The following KCNK15 variants were observed in gnomAD, a reference collection of about 807,000 sequenced individuals.
The protein encoded by KCNK15 is potassium channel subfamily K member 15.
A neutral mutation model predicts 8.5 loss-of-function variants in KCNK15; 9 were observed. The ratio of observed to expected loss-of-function variants is 1.06; its 90% CI spans 0.64 to 1.85. The LOEUF is 1.85. KCNK15 is among the 40% of genes most tolerant of loss of function. KCNK15 has a pLI of 0.00. For missense variants in KCNK15, 467 were observed against 476.8 expected, an observed-to-expected ratio of 0.98 and a Z score of 0.19; for synonymous variants, 224 against 232.7, an observed-to-expected ratio of 0.96 and a Z score of 0.34.
In KCNK15 at chr20:44,750,233, G is replaced by A. The variant is rs550127808; in HGVS notation, c.388G>A (p.Glu130Lys). Residue 130 changes from glutamate to lysine, a missense_variant, in exon 2 of 2, where the codon GAA becomes AAA. Glu to Lys is a moderately conservative substitution (Grantham distance 56). This residue lies in a region of KCNK15 where 455 missense variants were observed against 441.2 expected (regional missense o/e 1.03). Transcript: ENST00000372861. ...LTLVTFQSLGERLNAVVRRLL... is the reference protein window; with the variant it reads ...LTLVTFQSLGKRLNAVVRRLL... ...GCTGGTCACTTTCCAGAGCCTGGGC[G>A]AACGGCTGAACGCGGTGGTGCGGCG... 3 of 1,610,356 alleles carry A rather than the reference G, an allele frequency of 1.9e-6. No individual in the cohort carries two copies. Among genetic ancestry groups the A allele is most frequent in the East Asian group, 2.2e-5 (1 of 44,702 alleles).
chr20:44,747,533 G>A (rs1318730736), intron 1 of KCNK15, among the ~76,000 whole-genome samples: 1 of 152,242 alleles, frequency 6.6e-6, no homozygotes, highest in Non-Finnish European at 1.5e-5. Context: ...GGTCTGGGAT[G>A]CCATCAACTT....
rs970297447 is a variant in KCNK15, at chr20:44,751,069, C to T, written c.*231C>T. On this transcript the variant is annotated 3_prime_UTR_variant, in exon 2 of 2. Transcript: ENST00000372861. ...AGGGTCACCCTGTAGGAGCAAATTC[C>T]TTGTAGTCCAAATTGTATGAGGGCG... 2.8e-6 allele frequency: 1 copy of T among 361,638 alleles called. No individual in the cohort carries two copies. The highest frequency in any genetic ancestry group is 2.1e-5 in the African/African-American group (1 of 46,770). The allele number at this position is 361,638 out of a possible 1,614,324, so 22.4% of individuals were successfully genotyped here. A position where few individuals can be genotyped will look rare whatever the true frequency, so the allele number is the denominator to read the frequency against.
rs779563776 is a variant in KCNK15, at chr20:44,750,227, C to T, written c.382C>T (p.Leu128=). ...IPLTLVTFQS[L]GERLNAVVRR... ...GCTGACGCTGGTCACTTTCCAGAGCCTGGGCGAACGGCTGAACGCGGTGGT... is the reference window on the plus strand; with the variant it reads ...GCTGACGCTGGTCACTTTCCAGAGCTTGGGCGAACGGCTGAACGCGGTGGT... The change falls in exon 2 of 2, where the codon CTG becomes TTG. Residue 128 remains leucine (L), a synonymous_variant. Transcript: ENST00000372861. The T allele has an allele frequency of 8.7e-6, 14 of 1,611,830 alleles. No homozygotes were observed. Among genetic ancestry groups the T allele is most frequent in the Non-Finnish European group, 1.1e-5 (13 of 1,179,348 alleles).
rs2145436993 is a variant in KCNK15, at chr20:44,750,775, G to A, written c.930G>A (p.Ser310=). 1.3e-6 allele frequency: 2 copies of A among 1,508,158 alleles called. No individual in the cohort carries two copies. The highest frequency in any genetic ancestry group is 1.2e-5 in the South Asian group (1 of 81,306). 93.4% of individuals were successfully genotyped at this position (1,508,158 alleles called of 1,614,324 possible). The change falls in exon 2 of 2, where the codon TCG becomes TCA. Residue 310 remains serine (S), a synonymous_variant. Transcript: ENST00000372861. Reference sequence around the variant, plus strand: ...ACAACCTGGGCTTTTCGCCCCCCTCGAGCCCGGGGGTCGTGCGTGGCGGGC... The same window carrying A: ...ACAACCTGGGCTTTTCGCCCCCCTCAAGCCCGGGGGTCGTGCGTGGCGGGC... The part of the protein sequence containing the change: ...ARDNLGFSPP[S]SPGVVRGGQA...
Position 44,750,765 on chromosome 20 carries a change from C to T in KCNK15, c.920C>T (p.Ser307Leu), listed in dbSNP as rs772480413. The change falls in exon 2 of 2, where the codon TCG becomes TTG. Residue 307 changes from serine to leucine, a missense_variant. Physicochemically the swap from Ser to Leu is moderately radical, Grantham distance 145 (BLOSUM62 -2). Coordinates refer to ENST00000372861, the MANE Select transcript of KCNK15 (RefSeq NM_022358.4). ...ERCARDNLGF[S>L]PPSSPGVVRG... ...TGCGCCCGCGACAACCTGGGCTTTT[C>T]GCCCCCCTCGAGCCCGGGGGTCGTG... is the stretch of plus-strand genomic sequence containing the variant. 2.0e-6 allele frequency: 3 copies of T among 1,512,864 alleles called. No homozygotes were observed. Among genetic ancestry groups the T allele is most frequent in the Non-Finnish European group, 1.8e-6 (2 of 1,135,800 alleles). 93.7% of individuals were successfully genotyped at this position (1,512,864 alleles called of 1,614,324 possible). A position where few individuals can be genotyped will look rare whatever the true frequency, so the allele number is the denominator to read the frequency against.
intron 1 of KCNK15, among the ~76,000 whole-genome samples, chr20:44,748,724 C>T (rs765977222): frequency 5.9e-5 from 9 of 152,164 alleles, no homozygotes; most frequent in African/African-American, 1.2e-4. Context: ...TAAAGAGCTG[C>T]GTCATCTTGT....
rs2066030103 is a variant in KCNK15 at position 44,751,127 on chromosome 20, C to G, written c.*289C>G. ...ATCAGCACTTAGGAGAGGCTCTGCA[C>G]AGGTCCACCTCAGAGCCGACCCTCC... is the stretch of plus-strand genomic sequence containing the variant. On this transcript the variant is annotated 3_prime_UTR_variant, in exon 2 of 2. Coordinates refer to ENST00000372861, the MANE Select transcript of KCNK15 (RefSeq NM_022358.4). The G allele has an allele frequency of 3.8e-6, 1 of 263,218 alleles. No homozygotes were observed. The highest frequency in any genetic ancestry group is 7.1e-6 in the Non-Finnish European group (1 of 141,126). The allele number at this position is 263,218 out of a possible 1,614,324, so 16.3% of individuals were successfully genotyped here.
intron 1 of KCNK15, 101 bp from the exon 2 acceptor site, chr20:44,750,028 C>G: frequency 9.0e-7 from 1 of 1,109,864 alleles, no homozygotes; most frequent in South Asian, 1.6e-5. Flanking sequence ...CTTCCAGCCC[C>G]GGGGACGGGG....
rs1337570829 is a variant in KCNK15, at chr20:44,752,151, T to G, written c.*1313T>G. ...CCCACCTCACAGGCTCGGCGTCGGG[T>G]GAGCTCGTGGACGCTAATGCTTTCT... On this transcript the variant is annotated 3_prime_UTR_variant, in exon 2 of 2. Coordinates refer to ENST00000372861, the MANE Select transcript of KCNK15 (RefSeq NM_022358.4). 3 of 152,176 alleles carry G rather than the reference T, an allele frequency of 2.0e-5. No individual in the cohort carries two copies. The highest frequency in any genetic ancestry group is 2.9e-5 in the Non-Finnish European group (2 of 68,076). The allele number at this position is 152,176 out of a possible 1,614,324, so 9.4% of individuals were successfully genotyped here.
rs568897724 is a variant in KCNK15, at chr20:44,747,522, T to C, written c.283+1329T>C. 2.2e-3 allele frequency among the ~76,000 whole-genome samples: 328 copies of C among 152,378 alleles called. 2 individuals are homozygous for C. Among genetic ancestry groups the C allele is most frequent in the Admixed American group, 5.4e-3 (82 of 15,304 alleles). ...AGACCCTCCTGGTTACCGTGCCCACTGGTCTGGGATGCCATCAACTTGTTC... is the reference window on the plus strand; with the variant it reads ...AGACCCTCCTGGTTACCGTGCCCACCGGTCTGGGATGCCATCAACTTGTTC... On this transcript the variant is annotated intron_variant, in intron 1 of 1. Transcript: ENST00000372861.
intron 1 of KCNK15, among the ~76,000 whole-genome samples, chr20:44,748,074 A>C (rs945865043): frequency 3.3e-5 from 5 of 152,330 alleles, no homozygotes; most frequent in Middle Eastern, 3.4e-3. Flanking sequence ...GAGTACATAC[A>C]TGGGTTAGTT....
Position 44,750,190 on chromosome 20 carries a change from C to T in KCNK15, c.345C>T (p.Leu115=). 2 of 1,612,928 alleles carry T rather than the reference C, an allele frequency of 1.2e-6. No homozygotes were observed. The part of the protein sequence containing the change: ...SGKVFCMFYA[L]LGIPLTLVTF... Reference sequence around the variant, plus strand: ...AGGTCTTCTGCATGTTCTACGCGCTCCTGGGCATCCCGCTGACGCTGGTCA... The same window carrying T: ...AGGTCTTCTGCATGTTCTACGCGCTTCTGGGCATCCCGCTGACGCTGGTCA... Residue 115 remains leucine, a synonymous_variant, in exon 2 of 2, where the codon CTC becomes CTT. Coordinates refer to ENST00000372861, the MANE Select transcript of KCNK15 (RefSeq NM_022358.4).
chr20:44,750,608 G>C lies in KCNK15; in HGVS notation c.763G>C (p.Glu255Gln), dbSNP rs367808576. The change falls in exon 2 of 2, where the codon GAG becomes CAG. Residue 255 changes from glutamate to glutamine, a missense_variant. Glu to Gln is a conservative substitution (Grantham distance 29). Transcript: ENST00000372861. The stretch of plus-strand genomic sequence containing the variant: ...CCTCGTTGCCAGCGCCGACTGGCCC[G>C]AGCGCGCTGCCCGCACCCCCAGCCC... ...RFLVASADWPERAARTPSPRP... is the reference protein window; with the variant it reads ...RFLVASADWPQRAARTPSPRP... The C allele has an allele frequency of 6.2e-7, 1 of 1,602,618 alleles. No homozygotes were observed. The highest frequency in any genetic ancestry group is 1.1e-5 in the South Asian group (1 of 90,990).
chr20:44,748,376 T>G (rs907495334), intron 1 of KCNK15, among the ~76,000 whole-genome samples: 2 of 152,116 alleles, frequency 1.3e-5, no homozygotes, highest in African/African-American at 4.8e-5. Context: ...GGCAAAGTGA[T>G]AGGGCTATGC....
At position 44,745,937 on chromosome 20, in the gene KCNK15, C is replaced by T; in HGVS notation, c.27C>T (p.Ala9=). 7.4e-7 allele frequency: 1 copy of T among 1,349,158 alleles called. No individual in the cohort carries two copies. Among genetic ancestry groups the T allele is most frequent in the South Asian group, 2.1e-5 (1 of 48,490 alleles). The allele number at this position is 1,349,158 out of a possible 1,614,324, so 83.6% of individuals were successfully genotyped here. MRRPSVRA[A]GLVLCTLCYL... ...TGCGGAGGCCGAGCGTGCGCGCGGCCGGGCTGGTCCTGTGCACCCTGTGTT... is the reference window on the plus strand; with the variant it reads ...TGCGGAGGCCGAGCGTGCGCGCGGCTGGGCTGGTCCTGTGCACCCTGTGTT... Residue 9 remains alanine, a synonymous_variant, in exon 1 of 2, where the codon GCC becomes GCT. Transcript: ENST00000372861.
In KCNK15 at chr20:44,750,429, T is replaced by C. The variant is rs2066024873; in HGVS notation, c.584T>C (p.Ile195Thr). Reference protein sequence around the residue: ...TFFHAYYYCFITLTTIGFGDF... With the variant: ...TFFHAYYYCFTTLTTIGFGDF... ...TTCCACGCCTACTACTACTGCTTCATCACCCTCACCACCATCGGCTTCGGC... is the reference window on the plus strand; with the variant it reads ...TTCCACGCCTACTACTACTGCTTCACCACCCTCACCACCATCGGCTTCGGC... The change falls in exon 2 of 2, where the codon ATC (isoleucine) becomes ACC (threonine). Residue 195 changes from isoleucine (I) to threonine (T), a missense_variant. Coordinates refer to ENST00000372861, the MANE Select transcript of KCNK15 (RefSeq NM_022358.4). The C allele has an allele frequency of 6.2e-7, 1 of 1,613,904 alleles. No homozygotes were observed. Among genetic ancestry groups the C allele is most frequent in the Non-Finnish European group, 8.5e-7 (1 of 1,179,922 alleles).
chr20:44,747,902 G>A (rs1208209975), intron 1 of KCNK15, among the ~76,000 whole-genome samples: 1 of 152,170 alleles, frequency 6.6e-6, no homozygotes, highest in Non-Finnish European at 1.5e-5. Flanking sequence ...CCCATGGAGG[G>A]TGCTGGTTAA....
rs73907551 is a variant in KCNK15, at chr20:44,751,036, C to T, written c.*198C>T. 2.2e-3 allele frequency: 924 copies of T among 413,280 alleles called. 5 individuals are homozygous for T. The highest frequency in any genetic ancestry group is 0.018 in the African/African-American group (858 of 47,848). 25.6% of individuals were successfully genotyped at this position (413,280 alleles called of 1,614,324 possible). A position where few individuals can be genotyped will look rare whatever the true frequency, so the allele number is the denominator to read the frequency against. On this transcript the variant is annotated 3_prime_UTR_variant, in exon 2 of 2. Coordinates refer to ENST00000372861, the MANE Select transcript of KCNK15 (RefSeq NM_022358.4). Reference sequence around the variant, plus strand: ...TTACAGTCACACCATAAGCACAAACCAGGCTCCAGGGTCACCCTGTAGGAG... The same window carrying T: ...TTACAGTCACACCATAAGCACAAACTAGGCTCCAGGGTCACCCTGTAGGAG...
intron 1 of KCNK15, among the ~76,000 whole-genome samples, chr20:44,746,400 G>A (rs2066008270): frequency 6.6e-6 from 1 of 152,192 alleles, no homozygotes; most frequent in Admixed American, 6.5e-5. Flanking sequence ...GTCAGCCCAC[G>A]CAGGCAGGGA....
Sources: gnomAD v4.1 joint callset for allele counts (sites outside exome capture counted in the v4.1 genomes callset) on GRCh38, gnomAD v4.1.1 for gene constraint, gnomAD v4.1.1 regional missense constraint, MANE v1.5 for transcripts, NCBI Gene and HGNC (gene_info 2026-07-23, HGNC 2026-07-21) for gene names.